Variants in FAAH2 observed in about 807,000 individuals in gnomAD.
FAAH2 encodes the protein fatty acid amide hydrolase 2.
A neutral mutation model predicts 36.9 loss-of-function variants in FAAH2; 60 were observed. The ratio of observed to expected loss-of-function variants is 1.63; its 90% CI spans 1.32 to 2.02. The LOEUF (loss-of-function observed/expected upper bound fraction) is 2.02, where lower values mean the gene tolerates loss of function less well. Ranked by LOEUF, FAAH2 falls within the 30% of genes most tolerant of loss-of-function variation. The pLI is 0.00. For missense variants in FAAH2, 689 were observed against 397.5 expected, an observed-to-expected ratio of 1.73 and a Z score of -6.23; for synonymous variants, 214 against 143.8, an observed-to-expected ratio of 1.49 and a Z score of -3.49.
chrX:57,249,498 G>A, the FAAH2 span, among the ~76,000 whole-genome samples: 11 of 112,193 alleles, frequency 9.8e-5, no homozygotes, highest in African/African-American at 3.6e-4. Context: ...TAGATTGAGT[G>A]AAACACTCCT....
chrX:57,458,540 G>A lies in FAAH2; in HGVS notation c.1423+9822G>A, dbSNP rs142324429. ...AAGAAAACCTAGGAAGATGGATGTC[G>A]AGATGGCTGAATAGGAATAGCAGCT... On this transcript the variant is annotated intron_variant, in intron 10 of 10. Transcript: ENST00000374900. Among the ~76,000 whole-genome samples, 481 of 111,722 alleles carry A rather than the reference G, an allele frequency of 4.3e-3. 1 individual carries two copies. Among genetic ancestry groups the A allele is most frequent in the African/African-American group, 0.014 (443 of 30,793 alleles).
At chrX:57,148,852 A>G in the FAAH2 span, among the ~76,000 whole-genome samples, 2 of 111,555 alleles carry the variant, frequency 1.8e-5, no homozygotes, top group African/African-American at 3.3e-5. Context: ...TTCAAAGGGA[A>G]TGCTTCCAGT....
At chrX:57,304,186 G>A (rs2052456544) in intron 2 of FAAH2, among the ~76,000 whole-genome samples, 1 of 111,828 alleles carries the variant, frequency 8.9e-6, no homozygotes, top group Non-Finnish European at 1.9e-5. Flanking sequence ...CAGCCTGGCC[G>A]ACAGAGAGAG....
At chrX:57,364,018 T>G (rs1412317795) in intron 5 of FAAH2, among the ~76,000 whole-genome samples, 3 of 91,231 alleles carry the variant, frequency 3.3e-5, no homozygotes, top group Admixed American at 1.2e-4. Flanking sequence ...GGTTTTTTTT[T>G]TTTTTTTTTT....
Position 57,429,088 on chromosome X carries a change from C to A in FAAH2, c.997-2830C>A, listed in dbSNP as rs1381922760. ...CAGTGGCTCACGCCTGTAATCCCAGCACTTTGGGAGGCCGAGGTGGGCGGA... is the reference window on the plus strand; with the variant it reads ...CAGTGGCTCACGCCTGTAATCCCAGAACTTTGGGAGGCCGAGGTGGGCGGA... On this transcript the variant is annotated intron_variant, in intron 7 of 10. Coordinates refer to ENST00000374900, the MANE Select transcript of FAAH2 (RefSeq NM_174912.4). Among the ~76,000 whole-genome samples the A allele has an allele frequency of 2.0e-4, 22 of 111,499 alleles. No individual in the cohort carries two copies. In the Admixed American group the frequency reaches 2.1e-3, roughly 11 times the overall value.
chrX:57,227,628 C>T, the FAAH2 span, among the ~76,000 whole-genome samples: 1 of 111,646 alleles, frequency 9.0e-6, no homozygotes, highest in East Asian at 2.8e-4. Flanking sequence ...GGTTGGCCTC[C>T]TACCAGGAGG....
At chrX:57,374,198 A>G (rs2054615273) in intron 5 of FAAH2, among the ~76,000 whole-genome samples, 1 of 111,351 alleles carries the variant, frequency 9.0e-6, no homozygotes, top group Non-Finnish European at 1.9e-5. Flanking sequence ...GGCTATGCAG[A>G]TACTTTTTGG....
chrX:57,277,066 C>G, the FAAH2 span, among the ~76,000 whole-genome samples: 1 of 111,570 alleles, frequency 9.0e-6, no homozygotes, highest in Admixed American at 9.5e-5. Flanking sequence ...TCCTCCCTGT[C>G]TCATTTTATA....
chrX:57,327,715 T>G (rs1266054163), intron 3 of FAAH2, among the ~76,000 whole-genome samples: 1 of 111,605 alleles, frequency 9.0e-6, no homozygotes, highest in Non-Finnish European at 1.9e-5. Flanking sequence ...CTTCTCTGCC[T>G]TGATTATTGT....
chrX:57,470,486 T>C (rs1409353932), intron 10 of FAAH2, among the ~76,000 whole-genome samples: 1 of 111,405 alleles, frequency 9.0e-6, no homozygotes, highest in Non-Finnish European at 1.9e-5. Context: ...GCAAATAAAC[T>C]AGAAAATCTA....
intron 10 of FAAH2, among the ~76,000 whole-genome samples, chrX:57,468,587 A>C (rs1041835172): frequency 8.9e-6 from 1 of 112,016 alleles, no homozygotes; most frequent in East Asian, 2.8e-4. Flanking sequence ...TCCAAGAAAT[A>C]TGGGACTATG....
the FAAH2 span, among the ~76,000 whole-genome samples, chrX:57,255,524 C>A: frequency 8.9e-6 from 1 of 112,052 alleles, no homozygotes; most frequent in Non-Finnish European, 1.9e-5. Flanking sequence ...AGAACATCCT[C>A]AATAAAATAC....
At chrX:57,160,967 G>A in the FAAH2 span, among the ~76,000 whole-genome samples, 1 of 111,984 alleles carries the variant, frequency 8.9e-6, no homozygotes, top group Admixed American at 9.5e-5. Context: ...GTCAATTTTA[G>A]ATCTTTCCTG....
the FAAH2 span, among the ~76,000 whole-genome samples, chrX:57,192,109 C>T: frequency 9.0e-6 from 1 of 111,499 alleles, no homozygotes; most frequent in Non-Finnish European, 1.9e-5. Flanking sequence ...CACATGAAAT[C>T]TCTCCTCTTT....
the FAAH2 span, among the ~76,000 whole-genome samples, chrX:57,172,417 C>A: frequency 9.0e-6 from 1 of 110,659 alleles, no homozygotes; most frequent in East Asian, 2.9e-4. Flanking sequence ...GGGGCTCCAA[C>A]CTCATGACAG....
At chrX:57,389,279 TAC>T (rs1175945689) in intron 7 of FAAH2, among the ~76,000 whole-genome samples, 5 of 26,454 alleles carry the variant, frequency 1.9e-4, no homozygotes, top group Non-Finnish European at 2.9e-4. Context: ...CACACACACC[TAC>T]ACACACACAC....
At chrX:57,250,237 C>A in the FAAH2 span, among the ~76,000 whole-genome samples, 1 of 111,991 alleles carries the variant, frequency 8.9e-6, no homozygotes, top group Non-Finnish European at 1.9e-5. Flanking sequence ...ACTTGAAGAA[C>A]ATCTGTAAGG....
At chrX:57,122,764 G>A in the FAAH2 span, among the ~76,000 whole-genome samples, 1 of 111,415 alleles carries the variant, frequency 9.0e-6, no homozygotes, top group Non-Finnish European at 1.9e-5. Context: ...GGGATGAGTC[G>A]GATGTTAACA....
At chrX:57,448,897 A>G (rs2056733705) in intron 10 of FAAH2, among the ~76,000 whole-genome samples, 179 bp downstream of exon 10, 2 of 112,274 alleles carry the variant, frequency 1.8e-5, no homozygotes, top group Admixed American at 1.9e-4. Flanking sequence ...ATACTTTGCC[A>G]ATATCTGGTT....
Sources: allele counts gnomAD v4.1 joint callset (sites outside exome capture counted in the v4.1 genomes callset), GRCh38; gene constraint gnomAD v4.1.1; transcripts MANE v1.5; gene names NCBI Gene and HGNC (gene_info 2026-07-23, HGNC 2026-07-21).